Variants in CTNNA2 observed in about 807,000 individuals in gnomAD.
CTNNA2 encodes catenin alpha-2.
CTNNA2 carries 42 observed loss-of-function variants against 101.0 expected under a neutral mutation model. The observed-to-expected ratio is 0.42, with a 90% CI of 0.32 to 0.54. The LOEUF is 0.54. Ranked by LOEUF, CTNNA2 falls within the 20% of genes least tolerant of loss-of-function variation. The probability of loss-of-function intolerance (pLI) is 0.14; values close to 1 mark genes in which losing one functional copy is unlikely to be tolerated. For synonymous variants in CTNNA2, 450 were observed against 456.4 expected, an observed-to-expected ratio of 0.99 and a Z score of 0.18; for missense variants, 871 against 1,223.1, an observed-to-expected ratio of 0.71 and a Z score of 4.29.
intron 5 of CTNNA2, among the ~76,000 whole-genome samples, chr2:79,871,313 G>C (rs1287938917): frequency 6.6e-6 from 1 of 152,182 alleles, no homozygotes; most frequent in Non-Finnish European, 1.5e-5. Flanking sequence ...AGTTTATGTG[G>C]TTATTTTTAA....
chr2:80,465,172 A>G lies in CTNNA2; in HGVS notation c.1290+45571A>G, dbSNP rs1027993570. On this transcript the variant is annotated intron_variant, in intron 9 of 18. Transcript: ENST00000402739. ...CTGCTTACAATCAGGTAGGCTCTCT[A>G]TAAGTACTGGTGAATTAATCTTTTC... Among the ~76,000 whole-genome samples, 5 of 152,162 alleles carry G rather than the reference A, an allele frequency of 3.3e-5. No individual in the cohort carries two copies. The East Asian group carries it at 9.6e-4, about 29-fold the overall frequency.
chr2:80,173,117 C>A (rs1705175038), intron 7 of CTNNA2, among the ~76,000 whole-genome samples: 1 of 152,172 alleles, frequency 6.6e-6, no homozygotes, highest in Non-Finnish European at 1.5e-5. Context: ...CCTTAACATT[C>A]TTCAAAAAAT....
intron 2 of CTNNA2, among the ~76,000 whole-genome samples, chr2:79,300,564 T>G (rs886098839): frequency 5.3e-5 from 8 of 152,282 alleles, no homozygotes; most frequent in African/African-American, 1.7e-4. Context: ...AAAAAATTCT[T>G]TCTACATTCT....
At chr2:79,273,983 G>T (rs1248820784) in intron 2 of CTNNA2, among the ~76,000 whole-genome samples, 1 of 151,878 alleles carries the variant, frequency 6.6e-6, no homozygotes, top group Non-Finnish European at 1.5e-5. Context: ...CTTCTTTCTT[G>T]TGTATTTTCA....
chr2:80,385,319 A>G (rs2149355108), intron 7 of CTNNA2, among the ~76,000 whole-genome samples: 1 of 150,140 alleles, frequency 6.7e-6, no homozygotes, highest in South Asian at 2.1e-4. Flanking sequence ...CCCGAATGGG[A>G]TAAGTGCCCT....
chr2:80,064,455 A>G (rs1697833742), intron 7 of CTNNA2, among the ~76,000 whole-genome samples: 1 of 152,216 alleles, frequency 6.6e-6, no homozygotes, highest in African/African-American at 2.4e-5. Flanking sequence ...CAACAGGCAT[A>G]TATTAGCTCA....
At chr2:80,034,430 T>G (rs1171568643) in intron 7 of CTNNA2, among the ~76,000 whole-genome samples, 1 of 148,752 alleles carries the variant, frequency 6.7e-6, no homozygotes, top group Non-Finnish European at 1.5e-5. Flanking sequence ...CTCGACTCAC[T>G]GCAACTTCCA....
At chr2:80,636,478 A>C (rs2149842635) in intron 18 of CTNNA2, among the ~76,000 whole-genome samples, 1 of 152,254 alleles carries the variant, frequency 6.6e-6, no homozygotes, top group African/African-American at 2.4e-5. Context: ...GCACTTCCAA[A>C]CAAGAAGGGG....
At chr2:79,750,277 A>T (rs1359768969) in intron 3 of CTNNA2, among the ~76,000 whole-genome samples, 1 of 152,196 alleles carries the variant, frequency 6.6e-6, no homozygotes, top group East Asian at 1.9e-4. Flanking sequence ...CTCAAACTTT[A>T]GTGAATACTA....
At chr2:80,133,755 T>C (rs771348402) in intron 7 of CTNNA2, among the ~76,000 whole-genome samples, 5 of 152,194 alleles carry the variant, frequency 3.3e-5, no homozygotes, top group Non-Finnish European at 5.9e-5. Flanking sequence ...TGTTTTCTAC[T>C]GAACTACATA....
At chr2:80,395,419 C>T (rs548799091) in intron 8 of CTNNA2, among the ~76,000 whole-genome samples, 4 of 152,298 alleles carry the variant, frequency 2.6e-5, no homozygotes, top group Admixed American at 6.5e-5. Context: ...TCTAAAATGA[C>T]GATGGTCCCC....
chr2:80,264,623 C>T (rs914969730), intron 7 of CTNNA2, among the ~76,000 whole-genome samples: 16 of 152,182 alleles, frequency 1.1e-4, no homozygotes, highest in African/African-American at 3.6e-4. Context: ...GCCTAAAATC[C>T]CTTAGCTTTT....
chr2:79,601,690 A>G (rs1677562005), intron 1 of CTNNA2, among the ~76,000 whole-genome samples: 1 of 152,264 alleles, frequency 6.6e-6, no homozygotes, highest in East Asian at 1.9e-4. Flanking sequence ...CACTGGTAAA[A>G]TACAGACTTT....
chr2:80,641,858 T>C (rs1243888460), intron 18 of CTNNA2, among the ~76,000 whole-genome samples: 1 of 152,152 alleles, frequency 6.6e-6, no homozygotes, highest in Non-Finnish European at 1.5e-5. Context: ...TATTGAACTT[T>C]TGTGTATGGA....
chr2:79,290,123 TTA>T (rs1675756766), intron 2 of CTNNA2, among the ~76,000 whole-genome samples: 1 of 152,218 alleles, frequency 6.6e-6, no homozygotes, highest in Admixed American at 6.5e-5. Flanking sequence ...CCGTAGGCTC[TTA>T]ATTTGTGTTA....
intron 1 of CTNNA2, among the ~76,000 whole-genome samples, chr2:79,552,461 G>T (rs1318130846): frequency 6.6e-6 from 1 of 152,118 alleles, no homozygotes; most frequent in Non-Finnish European, 1.5e-5. Flanking sequence ...CTGGAGCATG[G>T]TGGCCCTCTT....
intron 2 of CTNNA2, among the ~76,000 whole-genome samples, chr2:79,288,984 G>C (rs1289861501): frequency 6.6e-6 from 1 of 152,082 alleles, no homozygotes; most frequent in Non-Finnish European, 1.5e-5. Context: ...TTCTACTATA[G>C]GCATTATGTC....
At chr2:79,432,588 GA>G (rs1419966811) in intron 4 of CTNNA2, among the ~76,000 whole-genome samples, 2 of 152,172 alleles carry the variant, frequency 1.3e-5, no homozygotes, top group Admixed American at 6.5e-5. Flanking sequence ...CCAAAGGGAG[GA>G]AGTTGGAAGT....
chr2:79,308,144 A>C (rs1676288664), intron 2 of CTNNA2, among the ~76,000 whole-genome samples: 1 of 152,144 alleles, frequency 6.6e-6, no homozygotes. Flanking sequence ...TCCCAGGTTC[A>C]AGTGATTCTC....
Sources: gnomAD v4.1 joint callset for allele counts (sites outside exome capture counted in the v4.1 genomes callset) on GRCh38, gnomAD v4.1.1 for gene constraint, MANE v1.5 for transcripts, NCBI Gene and HGNC (gene_info 2026-07-23, HGNC 2026-07-21) for gene names.